CFAP299: variants seen among roughly 807,000 people sequenced by gnomAD.
The protein encoded by CFAP299 is cilia- and flagella-associated protein 299.
In CFAP299, 21 loss-of-function variants were observed where a neutral mutation model predicts 27.0. The ratio of observed to expected loss-of-function variants is 0.78; its 90% CI spans 0.55 to 1.12. The LOEUF (loss-of-function observed/expected upper bound fraction) is 1.12. CFAP299 is among the 50% of genes most tolerant of loss of function. The pLI, the probability that CFAP299 is intolerant of heterozygous loss-of-function variation, is 0.00. For missense variants in CFAP299, 310 were observed against 276.6 expected (o/e 1.12, Z -0.86); for synonymous variants, 104 against 98.1 (o/e 1.06, Z -0.36).
chr4:80,961,181 T>C (rs1738326850), intron 5 of CFAP299, among the ~76,000 whole-genome samples: 1 of 151,754 alleles, frequency 6.6e-6, no homozygotes, highest in Non-Finnish European at 1.5e-5. Flanking sequence ...TAGTTTTCAT[T>C]ATCTAAAATA....
Position 80,910,664 on chromosome 4 carries a change from G to A in CFAP299, c.477-34146G>A, listed in dbSNP as rs142037203. Among the ~76,000 whole-genome samples the A allele has an allele frequency of 3.7e-3, 567 of 152,114 alleles. 5 individuals are homozygous for A. Among genetic ancestry groups the A allele is most frequent in the African/African-American group, 0.013 (531 of 41,492 alleles). The stretch of plus-strand genomic sequence containing the variant: ...AAAGAGGACAACAATAGGCACTAGG[G>A]GCTACCTGAGGGTAGAGGGTGGAAG... On this transcript the variant is annotated intron_variant, in intron 4 of 5. Transcript: ENST00000358105.
At chr4:80,772,921 G>T (rs1726305462) in intron 3 of CFAP299, among the ~76,000 whole-genome samples, 1 of 152,110 alleles carries the variant, frequency 6.6e-6, no homozygotes, top group Admixed American at 6.6e-5. Flanking sequence ...TATGTTTATT[G>T]TAGCACTATT....
chr4:80,765,993 G>A (rs28587081), intron 3 of CFAP299, among the ~76,000 whole-genome samples: 28,750 of 151,764 alleles, frequency 0.19, 4,816 homozygotes, highest in African/African-American at 0.45. Flanking sequence ...ATAGAGAATG[G>A]CAGTGAGTCA....
intron 3 of CFAP299, among the ~76,000 whole-genome samples, chr4:80,792,736 G>A (rs1727642911): frequency 6.6e-6 from 1 of 151,998 alleles, no homozygotes; most frequent in Non-Finnish European, 1.5e-5. Context: ...CCCTTTCACA[G>A]CCCAGCTTGT....
At chr4:80,852,339 A>G (rs1279511251) in intron 3 of CFAP299, among the ~76,000 whole-genome samples, 1 of 152,154 alleles carries the variant, frequency 6.6e-6, no homozygotes, top group African/African-American at 2.4e-5. Flanking sequence ...GGACTCAGCA[A>G]TCTGTGCTTT....
intron 3 of CFAP299, among the ~76,000 whole-genome samples, chr4:80,783,314 G>A (rs1727039564): frequency 6.6e-6 from 1 of 152,122 alleles, no homozygotes; most frequent in South Asian, 2.1e-4. Context: ...CAGTGTAGGA[G>A]GGAACTAGAT....
intron 1 of CFAP299, among the ~76,000 whole-genome samples, chr4:80,341,380 T>C (rs1366232856): frequency 6.6e-6 from 1 of 152,144 alleles, no homozygotes; most frequent in Non-Finnish European, 1.5e-5. Flanking sequence ...CCATCCTTCC[T>C]GACTGAGGTC....
chr4:80,617,405 C>A (rs1456850478), intron 3 of CFAP299, among the ~76,000 whole-genome samples: 4 of 152,118 alleles, frequency 2.6e-5, no homozygotes, highest in Non-Finnish European at 5.9e-5. Flanking sequence ...TGCCCCTATA[C>A]CCTGCCATCA....
At chr4:80,872,950 C>T (rs1733182164) in intron 4 of CFAP299, 4 of 967,330 alleles carry the variant, frequency 4.1e-6, no homozygotes, top group Non-Finnish European at 4.9e-6. Flanking sequence ...TTTTGATGGT[C>T]AGAAATCAGA....
At chr4:80,679,349 G>GT (rs747795386) in intron 3 of CFAP299, among the ~76,000 whole-genome samples, 2 of 151,600 alleles carry the variant, frequency 1.3e-5, no homozygotes, top group African/African-American at 2.4e-5. Flanking sequence ...GTTTTGTTTT[G>GT]TTTTTTGCTA....
At chr4:80,658,812 A>C (rs1258230634) in intron 3 of CFAP299, among the ~76,000 whole-genome samples, 1 of 152,130 alleles carries the variant, frequency 6.6e-6, no homozygotes. Context: ...GTGTGTTGAA[A>C]AGAAAGTACT....
rs565896726 is a variant in CFAP299 at position 80,653,851 on chromosome 4, G to A, written c.333+70668G>A. ...GTTATTCGTGTTAAACAATAATGTAGTAGTCTTTTCTTGCTGGACATTTCA... is the reference window on the plus strand; with the variant it reads ...GTTATTCGTGTTAAACAATAATGTAATAGTCTTTTCTTGCTGGACATTTCA... On this transcript the variant is annotated intron_variant, in intron 3 of 5. Coordinates refer to ENST00000358105, the MANE Select transcript of CFAP299 (RefSeq NM_152770.3). Among the ~76,000 whole-genome samples the A allele has an allele frequency of 2.0e-5, 3 of 152,216 alleles. No individual in the cohort carries two copies. In the East Asian group the frequency reaches 5.8e-4, roughly 29 times the overall value.
intron 3 of CFAP299, among the ~76,000 whole-genome samples, chr4:80,747,460 T>C (rs1402131248): frequency 6.6e-6 from 1 of 152,054 alleles, no homozygotes; most frequent in Non-Finnish European, 1.5e-5. Context: ...TGTTATGTGG[T>C]GCATGAATGT....
intron 2 of CFAP299, among the ~76,000 whole-genome samples, chr4:80,377,434 C>A (rs566275023): frequency 1.3e-5 from 2 of 151,842 alleles, no homozygotes; most frequent in African/African-American, 4.8e-5. Flanking sequence ...TGTATATGTA[C>A]CTGTCTATTT....
chr4:80,535,285 C>T (rs2110192026), intron 2 of CFAP299, among the ~76,000 whole-genome samples: 1 of 152,028 alleles, frequency 6.6e-6, no homozygotes, highest in African/African-American at 2.4e-5. Context: ...AAAGGGGACC[C>T]TTCCCTCATT....
At chr4:80,916,295 A>ATATATATATATATATAT (rs1405206483) in intron 4 of CFAP299, among the ~76,000 whole-genome samples, 2 of 125,570 alleles carry the variant, frequency 1.6e-5, no homozygotes, top group African/African-American at 3.2e-5. Flanking sequence ...ATATATATAT[A>ATATATATATATATATAT]TTTCAGGTAC....
At chr4:80,740,629 C>T (rs1724203657) in intron 3 of CFAP299, among the ~76,000 whole-genome samples, 1 of 152,196 alleles carries the variant, frequency 6.6e-6, no homozygotes, top group Non-Finnish European at 1.5e-5. Context: ...TGAGTTCCCA[C>T]AGGCCCTGGA....
At chr4:80,492,917 G>A (rs527873431) in intron 2 of CFAP299, among the ~76,000 whole-genome samples, 24 of 152,238 alleles carry the variant, frequency 1.6e-4, no homozygotes, top group South Asian at 2.1e-4. Flanking sequence ...GTGAGAGCCC[G>A]ATAAAGGAGG....
At chr4:80,420,972 C>T (rs913043987) in intron 2 of CFAP299, among the ~76,000 whole-genome samples, 5 of 152,138 alleles carry the variant, frequency 3.3e-5, no homozygotes, top group Non-Finnish European at 7.4e-5. Flanking sequence ...TTTCCATGCT[C>T]CTTTGCTTGT....
Sources: allele counts gnomAD v4.1 joint callset (sites outside exome capture counted in the v4.1 genomes callset), GRCh38; gene constraint gnomAD v4.1.1; transcripts MANE v1.5; gene names NCBI Gene and HGNC (gene_info 2026-07-23, HGNC 2026-07-21).